SEMA3A: variants seen among roughly 807,000 people sequenced by gnomAD.
SEMA3A encodes semaphorin-3A.
In SEMA3A, 29 loss-of-function variants were observed where a neutral mutation model predicts 97.9. The observed-to-expected ratio is 0.30, with a 90% CI of 0.22 to 0.40. The LOEUF (loss-of-function observed/expected upper bound fraction) is 0.40, where lower values mean the gene tolerates loss of function less well. Ranked by LOEUF, SEMA3A falls within the 10% of genes least tolerant of loss-of-function variation. The pLI is 1.00. For missense variants in SEMA3A, 763 were observed against 951.3 expected (o/e 0.80, Z 2.60); for synonymous variants, 321 against 323.7 (o/e 0.99, Z 0.09).
intron 3 of SEMA3A, among the ~76,000 whole-genome samples, chr7:84,264,092 A>G (rs901671398): frequency 1.3e-5 from 2 of 152,106 alleles, no homozygotes; most frequent in Admixed American, 6.6e-5. Context: ...TGTTTACGAT[A>G]GTATATATAT....
intron 3 of SEMA3A, among the ~76,000 whole-genome samples, chr7:84,240,750 C>T (rs913511294): frequency 2.0e-5 from 3 of 152,090 alleles, no homozygotes; most frequent in East Asian, 1.9e-4. Flanking sequence ...ATGCTAGCCC[C>T]CTCTAGCCCA....
Position 84,201,433 on chromosome 7 carries a change from AT to A in SEMA3A, c.-82-6766del, listed in dbSNP as rs760025643. 3.9e-5 allele frequency among the ~76,000 whole-genome samples: 6 copies of A among 152,054 alleles called. No individual in the cohort carries two copies. The East Asian group carries it at 5.8e-4, about 15-fold the overall frequency. ...GTAAGTTGCAATAGTTAGAAAAAAA[AT>A]GACTTCAATTATTTTTATTCCATAT... On this transcript the variant is annotated intron_variant, in intron 3 of 3. Transcript: ENST00000424555.
Position 84,454,345 on chromosome 7 carries a change from TC to T in SEMA3A, c.-246+38114del, listed in dbSNP as rs1184128763. ...ATACATCAGACACAGATAAGTCATT[TC>T]TTGGCCTTGTCCAAAGAGTTACTAA... On this transcript the variant is annotated intron_variant, in intron 1 of 3. Transcript: ENST00000424555. 2.0e-5 allele frequency among the ~76,000 whole-genome samples: 3 copies of T among 152,196 alleles called. No individual in the cohort carries two copies. In the East Asian group the frequency reaches 5.8e-4, roughly 29 times the overall value.
At chr7:84,350,923 C>T (rs1351486752) in intron 2 of SEMA3A, among the ~76,000 whole-genome samples, 1 of 151,958 alleles carries the variant, frequency 6.6e-6, no homozygotes, top group South Asian at 2.1e-4. Flanking sequence ...CTTGTGATTG[C>T]GAAGTGTAAA....
intron 1 of SEMA3A, among the ~76,000 whole-genome samples, chr7:84,417,790 G>A (rs1246482469): frequency 6.6e-6 from 1 of 151,980 alleles, no homozygotes; most frequent in Non-Finnish European, 1.5e-5. Context: ...CATGGGGGTT[G>A]GATGAGTGGA....
rs1795383406 is a variant in SEMA3A, at chr7:84,115,041, A to G, written c.334-4452T>C. ...GGCATTTTTACCTTCAGTATTTAGA[A>G]TATGCCATAATAAAATGAACTGAAC... is the stretch of plus-strand genomic sequence containing the variant. On this transcript the variant is annotated intron_variant, in intron 3 of 16. Transcript: ENST00000265362. 2.6e-5 allele frequency among the ~76,000 whole-genome samples: 4 copies of G among 152,104 alleles called. No individual in the cohort carries two copies. The South Asian group carries it at 8.3e-4, about 31-fold the overall frequency.
chr7:84,211,621 T>TA (rs199994006), intron 3 of SEMA3A, among the ~76,000 whole-genome samples: 16,086 of 144,230 alleles, frequency 0.11, 950 homozygotes, highest in African/African-American at 0.15. Context: ...AAACTCCATC[T>TA]AAAAAAAAAA....
At chr7:84,084,328 G>T (rs920109055) in intron 4 of SEMA3A, among the ~76,000 whole-genome samples, 1 of 151,908 alleles carries the variant, frequency 6.6e-6, no homozygotes, top group African/African-American at 2.4e-5. Flanking sequence ...TGGTCAAATA[G>T]TTATAACAAA....
At chr7:84,480,521 T>A (rs145999223) in intron 1 of SEMA3A, among the ~76,000 whole-genome samples, 101 of 152,252 alleles carry the variant, frequency 6.6e-4, no homozygotes, top group Non-Finnish European at 1.3e-3. Flanking sequence ...TTTTAATACA[T>A]CTTGATCTTC....
chr7:84,317,394 C>CA (rs2115893539), intron 2 of SEMA3A, among the ~76,000 whole-genome samples: 1 of 152,234 alleles, frequency 6.6e-6, no homozygotes, highest in African/African-American at 2.4e-5. Flanking sequence ...CATACTCTAT[C>CA]AAAATTCATT....
In SEMA3A at chr7:84,393,019, C is replaced by T. The variant is rs1033251695; in HGVS notation, c.-245-21119G>A. On this transcript the variant is annotated intron_variant, in intron 1 of 3. Transcript: ENST00000424555. ...GTCTCTTCAACATTGTTAGTTGTTTCCTTTGCTATGCAGAATCATTTTATT... is the reference window on the plus strand; with the variant it reads ...GTCTCTTCAACATTGTTAGTTGTTTTCTTTGCTATGCAGAATCATTTTATT... Among the ~76,000 whole-genome samples, 10 of 152,108 alleles carry T rather than the reference C, an allele frequency of 6.6e-5. No homozygotes were observed. The South Asian group carries it at 1.2e-3, about 19-fold the overall frequency.
intron 15 of SEMA3A, among the ~76,000 whole-genome samples, chr7:83,968,874 G>A (rs1394953772): frequency 7.6e-6 from 1 of 131,118 alleles, no homozygotes; most frequent in Non-Finnish European, 1.5e-5. Flanking sequence ...GCAGTGGCAC[G>A]ATCTCGGCTC....
chr7:83,977,393 G>C (rs1472171296), intron 14 of SEMA3A, among the ~76,000 whole-genome samples, 197 bp from the exon 15 acceptor site: 1 of 151,908 alleles, frequency 6.6e-6, no homozygotes, highest in Non-Finnish European at 1.5e-5. Context: ...CAGTCTCCAA[G>C]ATGATCAAAA....
intron 4 of SEMA3A, among the ~76,000 whole-genome samples, chr7:84,095,042 C>T (rs1378141950): frequency 6.6e-6 from 1 of 150,534 alleles, no homozygotes; most frequent in African/African-American, 2.4e-5. Flanking sequence ...CTTACACACA[C>T]ACACACACAA....
chr7:84,424,047 T>C (rs1804674857), intron 1 of SEMA3A, among the ~76,000 whole-genome samples: 1 of 151,760 alleles, frequency 6.6e-6, no homozygotes, highest in African/African-American at 2.4e-5. Context: ...CAGGTGGGAA[T>C]ATAAATTAGT....
chr7:84,168,760 A>G, intron 1 of SEMA3A, among the ~76,000 whole-genome samples: 2 of 151,892 alleles, frequency 1.3e-5, no homozygotes, highest in East Asian at 3.8e-4. Context: ...GAACTAACTG[A>G]CACCTCACAT....
At chr7:84,062,463 G>A (rs914485634) in intron 4 of SEMA3A, among the ~76,000 whole-genome samples, 3 of 152,232 alleles carry the variant, frequency 2.0e-5, no homozygotes, top group African/African-American at 7.2e-5. Flanking sequence ...CTCCCAGAGT[G>A]AGCGACGCAG....
intron 6 of SEMA3A, 37 bp downstream of exon 6, chr7:84,046,287 C>A: frequency 6.2e-7 from 1 of 1,607,400 alleles, no homozygotes; most frequent in Non-Finnish European, 8.5e-7. Context: ...TACAGTTACA[C>A]ATGTTACATG....
At chr7:84,218,047 A>C (rs1798790544) in intron 3 of SEMA3A, among the ~76,000 whole-genome samples, 1 of 152,068 alleles carries the variant, frequency 6.6e-6, no homozygotes, top group Admixed American at 6.6e-5. Context: ...TTTTATCTTT[A>C]TTTCAAAATG....
Sources: gnomAD v4.1 joint callset for allele counts (sites outside exome capture counted in the v4.1 genomes callset) on GRCh38, gnomAD v4.1.1 for gene constraint, MANE v1.5 for transcripts, NCBI Gene and HGNC (gene_info 2026-07-23, HGNC 2026-07-21) for gene names.